Variants in NFE2L3 observed in about 807,000 individuals in gnomAD.
NFE2L3 encodes the protein NFE2 like bZIP transcription factor 3.
A neutral mutation model predicts 23.5 loss-of-function variants in NFE2L3; 18 were observed. The ratio of observed to expected loss-of-function variants is 0.77; its 90% CI spans 0.53 to 1.13. NFE2L3 has a LOEUF of 1.13. Ranked by LOEUF, NFE2L3 falls within the 50% of genes most tolerant of loss-of-function variation. The pLI is 0.00. For synonymous variants in NFE2L3, 424 were observed against 354.5 expected (o/e 1.20, Z -2.20); for missense variants, 1,152 against 877.2 (o/e 1.31, Z -3.96).
intron 1 of NFE2L3, among the ~76,000 whole-genome samples, chr7:26,156,655 G>A (rs990070188): frequency 1.1e-4 from 16 of 152,322 alleles, no homozygotes; most frequent in Non-Finnish European, 1.3e-4. Flanking sequence ...ATGTGTAAAC[G>A]TATGGAACAG....
intron 1 of NFE2L3, among the ~76,000 whole-genome samples, chr7:26,177,128 C>T (rs1180639864): frequency 1.4e-5 from 2 of 144,442 alleles, no homozygotes; most frequent in Non-Finnish European, 3.1e-5. Context: ...GGTGGCCGGG[C>T]AGAGGCGCTC....
rs1782497997 is a variant in NFE2L3 at position 26,186,792 on chromosome 7, G to A, written c.*1009G>A. The A allele has an allele frequency of 6.6e-6, 1 of 152,128 alleles. No individual in the cohort carries two copies. Among genetic ancestry groups the A allele is most frequent in the Non-Finnish European group, 1.5e-5 (1 of 68,034 alleles). 9.4% of individuals were successfully genotyped at this position (152,128 alleles called of 1,614,324 possible). ...AGCGATTAAGGGAAAAAAAACAGGT[G>A]AATTTGAAAATAAACCAGGGTAAGG... On this transcript the variant is annotated 3_prime_UTR_variant, in exon 4 of 4. Transcript: ENST00000056233.
intron 1 of NFE2L3, among the ~76,000 whole-genome samples, chr7:26,169,640 T>G (rs1414064923): frequency 6.6e-6 from 1 of 152,216 alleles, no homozygotes; most frequent in Non-Finnish European, 1.5e-5. Flanking sequence ...TCACTTACAA[T>G]GCTTGTTGTG....
chr7:26,183,154 C>CGT (rs1782366373), intron 2 of NFE2L3, among the ~76,000 whole-genome samples: 1 of 152,060 alleles, frequency 6.6e-6, no homozygotes, highest in Non-Finnish European at 1.5e-5. Flanking sequence ...CTGAAACTAA[C>CGT]AATTAGCCAA....
At chr7:26,161,572 C>A (rs140748169) in intron 1 of NFE2L3, among the ~76,000 whole-genome samples, 1 of 151,874 alleles carries the variant, frequency 6.6e-6, no homozygotes, top group Non-Finnish European at 1.5e-5. Context: ...CGCTCCTCCC[C>A]CAGGGCTCCT....
intron 1 of NFE2L3, among the ~76,000 whole-genome samples, chr7:26,167,807 G>C (rs1450610948): frequency 3.3e-5 from 5 of 152,164 alleles, no homozygotes; most frequent in Non-Finnish European, 5.9e-5. Flanking sequence ...TGAGTTATTG[G>C]CAGTTAATCA....
intron 3 of NFE2L3, 105 bp from the exon 4 acceptor site, chr7:26,184,428 A>G (rs1782427042): frequency 1.0e-6 from 1 of 997,300 alleles, no homozygotes. Flanking sequence ...ATCTCTATTA[A>G]ATGTAGAGGA....
chr7:26,179,903 G>GT (rs1205335359), intron 2 of NFE2L3, among the ~76,000 whole-genome samples: 1 of 152,068 alleles, frequency 6.6e-6, no homozygotes, highest in African/African-American at 2.4e-5. Flanking sequence ...TCGTGTATAG[G>GT]TTCTTTGGAG....
In NFE2L3 at chr7:26,152,420, G is replaced by A; in HGVS notation, c.-79G>A. On this transcript the variant is annotated 5_prime_UTR_variant, in exon 1 of 4. Coordinates refer to ENST00000056233, the MANE Select transcript of NFE2L3 (RefSeq NM_004289.7). The surrounding 1 kb of genome is among the most constrained non-coding windows in gnomAD (Gnocchi z 4.4). ...CAGGCAGGTGCGGGCGGCGCGCGGGGTCCGCACGTGTCACCCCGGCGGCTG... is the reference window on the plus strand; with the variant it reads ...CAGGCAGGTGCGGGCGGCGCGCGGGATCCGCACGTGTCACCCCGGCGGCTG... 2.0e-6 allele frequency: 2 copies of A among 1,017,802 alleles called. No homozygotes were observed. The highest frequency in any genetic ancestry group is 2.5e-6 in the Non-Finnish European group (2 of 804,258). 63.0% of individuals were successfully genotyped at this position (1,017,802 alleles called of 1,614,324 possible).
At position 26,185,962 on chromosome 7, in the gene NFE2L3, C is replaced by A. The variant is rs1326210029; in HGVS notation, c.*179C>A. 1.3e-5 allele frequency: 7 copies of A among 542,170 alleles called. No homozygotes were observed. The highest frequency in any genetic ancestry group is 1.9e-5 in the African/African-American group (1 of 51,718). The allele number at this position is 542,170 out of a possible 1,614,324, so 33.6% of individuals were successfully genotyped here. ...AAATGTTTAGGACTTCAAGATCACACTTGTGGGCAATCTGGGGGAGCCACA... is the reference window on the plus strand; with the variant it reads ...AAATGTTTAGGACTTCAAGATCACAATTGTGGGCAATCTGGGGGAGCCACA... On this transcript the variant is annotated 3_prime_UTR_variant, in exon 4 of 4. Coordinates refer to ENST00000056233, the MANE Select transcript of NFE2L3 (RefSeq NM_004289.7).
At position 26,183,681 on chromosome 7, in the gene NFE2L3, C is replaced by T. The variant is rs1385399429; in HGVS notation, c.751-20C>T. ...TTCAGTCTTTTATGTGAAAGATGCA[C>T]TTTTTGTGTTTCTCTACAGAGACAT... On this transcript the variant is annotated intron_variant, in intron 2 of 3. Coordinates refer to ENST00000056233, the MANE Select transcript of NFE2L3 (RefSeq NM_004289.7). The T allele has an allele frequency of 6.5e-7, 1 of 1,529,312 alleles. No individual in the cohort carries two copies. Among genetic ancestry groups the T allele is most frequent in the African/African-American group, 1.4e-5 (1 of 73,334 alleles). 94.7% of individuals were successfully genotyped at this position (1,529,312 alleles called of 1,614,324 possible).
rs541524933 is a variant in NFE2L3, at chr7:26,163,696, G to T, written c.570+10628G>T. Among the ~76,000 whole-genome samples the T allele has an allele frequency of 6.6e-5, 10 of 152,206 alleles. No homozygotes were observed. In the East Asian group the frequency reaches 1.9e-3, roughly 29 times the overall value. On this transcript the variant is annotated intron_variant, in intron 1 of 3. Coordinates refer to ENST00000056233, the MANE Select transcript of NFE2L3 (RefSeq NM_004289.7). Reference sequence around the variant, plus strand: ...TTATACTTTAAGTTTTAGGGTACATGTGCACAACTTGCAGGTTTGTTACAT... The same window carrying T: ...TTATACTTTAAGTTTTAGGGTACATTTGCACAACTTGCAGGTTTGTTACAT...
chr7:26,170,340 C>T (rs895754820), intron 1 of NFE2L3, among the ~76,000 whole-genome samples: 4 of 152,184 alleles, frequency 2.6e-5, no homozygotes, highest in African/African-American at 4.8e-5. Context: ...TCTAACATTT[C>T]GAATCTGTCC....
intron 2 of NFE2L3, among the ~76,000 whole-genome samples, chr7:26,183,499 G>GATTGCACCACTGCACTCC (rs1782385008): frequency 6.9e-6 from 1 of 143,894 alleles, no homozygotes; most frequent in Non-Finnish European, 1.6e-5. Context: ...AGTGAGCCGA[G>GATTGCACCACTGCACTCC]ATTGCACCAC....
chr7:26,185,294 T>C lies in NFE2L3; in HGVS notation c.1596T>C (p.Asp532=), dbSNP rs367544069. ...GGAGTAGATACCTTGAAGACACAGA[T>C]AGAAACTTGAGCCGTGATGAACAGC... ...KIRSRYLEDT[D]RNLSRDEQRA... Residue 532 remains aspartate (D), a synonymous_variant, in exon 4 of 4, where the codon GAT becomes GAC. Coordinates refer to ENST00000056233, the MANE Select transcript of NFE2L3 (RefSeq NM_004289.7). 189 of 1,613,962 alleles carry C rather than the reference T, an allele frequency of 1.2e-4. No individual in the cohort carries two copies. Among genetic ancestry groups the C allele is most frequent in the Admixed American group, 8.3e-5 (5 of 59,996 alleles).
intron 1 of NFE2L3, among the ~76,000 whole-genome samples, chr7:26,156,968 C>T (rs1281147340): frequency 2.0e-5 from 3 of 152,066 alleles, no homozygotes; most frequent in East Asian, 1.9e-4. Context: ...AAAAATTAGC[C>T]GGGCACGGTG....
intron 1 of NFE2L3, among the ~76,000 whole-genome samples, chr7:26,177,465 C>T (rs528256615): frequency 4.1e-4 from 63 of 152,224 alleles, no homozygotes; most frequent in African/African-American, 1.4e-3. Context: ...GGCATGGCGG[C>T]GCGTCCCTGC....
Position 26,155,230 on chromosome 7 carries a change from G to C in NFE2L3, c.570+2162G>C, listed in dbSNP as rs555054417. 4.9e-4 allele frequency among the ~76,000 whole-genome samples: 75 copies of C among 152,032 alleles called. 1 individual carries two copies. Among genetic ancestry groups the C allele is most frequent in the Non-Finnish European group, 7.6e-4 (52 of 68,016 alleles). ...GGCTGAGGCAGGCAGATCACTTGAGGTCAGGAGTTCGAGACCAGACTGGGC... is the reference window on the plus strand; with the variant it reads ...GGCTGAGGCAGGCAGATCACTTGAGCTCAGGAGTTCGAGACCAGACTGGGC... On this transcript the variant is annotated intron_variant, in intron 1 of 3. Coordinates refer to ENST00000056233, the MANE Select transcript of NFE2L3 (RefSeq NM_004289.7).
chr7:26,181,655 A>G (rs924851174), intron 2 of NFE2L3, among the ~76,000 whole-genome samples: 2 of 152,332 alleles, frequency 1.3e-5, no homozygotes, highest in African/African-American at 4.8e-5. Context: ...ATTAAAAATG[A>G]CATAAATAGC....
Sources: gnomAD v4.1 joint callset for allele counts (sites outside exome capture counted in the v4.1 genomes callset) on GRCh38, gnomAD v4.1.1 for gene constraint, Gnocchi (gnomAD v3.1) non-coding constraint, MANE v1.5 for transcripts, NCBI Gene and HGNC (gene_info 2026-07-23, HGNC 2026-07-21) for gene names.